Variants in TRMT11 observed in about 807,000 individuals in gnomAD.
The protein encoded by TRMT11 is tRNA (guanine(10)-N(2))-methyltransferase TRMT11.
A neutral mutation model predicts 62.8 loss-of-function variants in TRMT11; 53 were observed. The ratio of observed to expected loss-of-function variants is 0.84; its 90% CI spans 0.68 to 1.06. The LOEUF (loss-of-function observed/expected upper bound fraction) is 1.06. Ranked by LOEUF, TRMT11 falls within the 50% of genes least tolerant of loss-of-function variation. The probability of loss-of-function intolerance (pLI) is 0.00; values close to 1 mark genes in which losing one functional copy is unlikely to be tolerated. For missense variants in TRMT11, 556 were observed against 553.4 expected (o/e 1.00, Z -0.05); for synonymous variants, 188 against 190.3 (o/e 0.99, Z 0.10).
chr6:126,004,717 T>G (rs185487301), intron 7 of TRMT11, among the ~76,000 whole-genome samples: 1 of 152,210 alleles, frequency 6.6e-6, no homozygotes, highest in Admixed American at 6.6e-5. Context: ...CTTTTTATTT[T>G]AAAGGTACAA....
At chr6:126,230,628 A>C in the TRMT11 span, among the ~76,000 whole-genome samples, 1 of 152,184 alleles carries the variant, frequency 6.6e-6, no homozygotes, top group African/African-American at 2.4e-5. Flanking sequence ...AATGTTTTGC[A>C]GTTTGTCAGT....
At chr6:126,031,232 A>C (rs922253947) in intron 12 of TRMT11, among the ~76,000 whole-genome samples, 6 of 152,212 alleles carry the variant, frequency 3.9e-5, no homozygotes, top group Non-Finnish European at 5.9e-5. Flanking sequence ...ATAGGAAAAA[A>C]AGCCATTTGC....
chr6:126,002,358 C>T (rs1423249949), intron 7 of TRMT11, among the ~76,000 whole-genome samples: 2 of 152,162 alleles, frequency 1.3e-5, no homozygotes. Flanking sequence ...CTACCCTATT[C>T]TATGTTTATG....
chr6:125,994,626 T>G (rs191111396), intron 2 of TRMT11, among the ~76,000 whole-genome samples: 14 of 152,338 alleles, frequency 9.2e-5, no homozygotes, highest in African/African-American at 3.1e-4. Context: ...CAAAGTAATA[T>G]AAGTCATTCT....
intron 17 of TRMT11, among the ~76,000 whole-genome samples, chr6:126,088,635 T>A (rs920398493): frequency 6.6e-6 from 1 of 152,204 alleles, no homozygotes; most frequent in South Asian, 2.1e-4. Context: ...CAAAGCTATA[T>A]ATGAACTTTT....
chr6:125,998,650 C>T lies in TRMT11; in HGVS notation c.488C>T (p.Pro163Leu), dbSNP rs571690618. 1 of 1,613,188 alleles carries T rather than the reference C, an allele frequency of 6.2e-7. No homozygotes were observed. Among genetic ancestry groups the T allele is most frequent in the Non-Finnish European group, 8.5e-7 (1 of 1,179,574 alleles). Residue 163 changes from proline (P) to leucine (L), a missense_variant, in exon 6 of 13, where the codon CCT becomes CTT. By Grantham distance (98) the Pro-to-Leu change is moderately conservative. Coordinates refer to ENST00000334379, the MANE Select transcript of TRMT11 (RefSeq NM_001031712.3). Reference protein sequence around the residue: ...EDYGLDPNCIPENPHNIYFGR... With the variant: ...EDYGLDPNCILENPHNIYFGR... Reference sequence around the variant, plus strand: ...TATGGTTTAGACCCAAACTGCATCCCTGAGAATCCACATAATATTTATTTT... The same window carrying T: ...TATGGTTTAGACCCAAACTGCATCCTTGAGAATCCACATAATATTTATTTT...
intron 6 of TRMT11, 87 bp from the exon 7 acceptor site, chr6:125,999,370 C>T (rs1016867872): frequency 3.8e-6 from 4 of 1,042,332 alleles, no homozygotes; most frequent in Non-Finnish European, 5.3e-6. Context: ...AAGTTCTTAT[C>T]AGCAAAATAC....
At chr6:126,159,140 A>G (rs1024117891) in intron 21 of TRMT11, among the ~76,000 whole-genome samples, 2 of 151,958 alleles carry the variant, frequency 1.3e-5, no homozygotes, top group African/African-American at 4.8e-5. Context: ...CTCTCTTGCA[A>G]TGTGATGTGA....
At chr6:125,999,314 T>G in intron 6 of TRMT11, 143 bp from the exon 7 acceptor site, 1 of 522,018 alleles carries the variant, frequency 1.9e-6, no homozygotes, top group Non-Finnish European at 3.2e-6. Flanking sequence ...CTACCTCAAT[T>G]ACATTATTTT....
At chr6:126,104,386 C>T (rs183784289) in intron 17 of TRMT11, among the ~76,000 whole-genome samples, 56 of 152,260 alleles carry the variant, frequency 3.7e-4, no homozygotes, top group Admixed American at 3.0e-3. Flanking sequence ...GGTAGTTGGT[C>T]AAGAACCCAA....
chr6:126,269,100 A>G, the TRMT11 span, among the ~76,000 whole-genome samples: 1 of 150,834 alleles, frequency 6.6e-6, no homozygotes, highest in Non-Finnish European at 1.5e-5. Flanking sequence ...CGTCTCTACT[A>G]AAAATACAAA....
At chr6:126,244,695 A>C in the TRMT11 span, among the ~76,000 whole-genome samples, 40 of 152,208 alleles carry the variant, frequency 2.6e-4, no homozygotes, top group African/African-American at 9.4e-4. Context: ...CAGTTTCGAC[A>C]CTCTGTCTGA....
Position 126,037,641 on chromosome 6 carries a change from T to C in TRMT11, c.1261-1064T>C, listed in dbSNP as rs1362877965. Among the ~76,000 whole-genome samples the C allele has an allele frequency of 3.9e-5, 6 of 152,176 alleles. No individual in the cohort carries two copies. The East Asian group carries it at 7.7e-4, about 20-fold the overall frequency. On this transcript the variant is annotated intron_variant, in intron 12 of 12. Transcript: ENST00000334379. ...GGTTTTTGGTGTGATTTTAAAAATATATGTGGCAAAAACAGTTTCTGAATA... is the reference window on the plus strand; with the variant it reads ...GGTTTTTGGTGTGATTTTAAAAATACATGTGGCAAAAACAGTTTCTGAATA...
intron 1 of TRMT11, among the ~76,000 whole-genome samples, chr6:126,198,074 T>G (rs1470954357): frequency 1.3e-5 from 2 of 152,180 alleles, no homozygotes; most frequent in Non-Finnish European, 2.9e-5. Context: ...ATGGACTCGG[T>G]GGGAACATTT....
At chr6:126,133,435 C>T (rs1187006227) in intron 21 of TRMT11, among the ~76,000 whole-genome samples, 1 of 151,936 alleles carries the variant, frequency 6.6e-6, no homozygotes, top group Non-Finnish European at 1.5e-5. Context: ...TTCATTGTGC[C>T]TTTTCTCTCC....
intron 1 of TRMT11, among the ~76,000 whole-genome samples, chr6:126,189,341 C>G (rs184799314): frequency 6.6e-6 from 1 of 152,078 alleles, no homozygotes; most frequent in Non-Finnish European, 1.5e-5. Context: ...TAAATTGCAG[C>G]TCATATTATT....
chr6:126,256,583 T>C, the TRMT11 span, among the ~76,000 whole-genome samples: 1 of 152,102 alleles, frequency 6.6e-6, no homozygotes, highest in African/African-American at 2.4e-5. Context: ...TATTTGCATC[T>C]CAAATCCACT....
intron 17 of TRMT11, among the ~76,000 whole-genome samples, chr6:126,094,981 C>T (rs1470075009): frequency 6.6e-6 from 1 of 152,188 alleles, no homozygotes; most frequent in Non-Finnish European, 1.5e-5. Flanking sequence ...CTTATAGCCT[C>T]ACTTTCAACT....
At chr6:126,256,719 C>T in the TRMT11 span, among the ~76,000 whole-genome samples, 2 of 152,148 alleles carry the variant, frequency 1.3e-5, no homozygotes, top group African/African-American at 4.8e-5. Flanking sequence ...AGGATATATG[C>T]TAGCACTTCC....
Sources: allele counts gnomAD v4.1 joint callset (sites outside exome capture counted in the v4.1 genomes callset), GRCh38; gene constraint gnomAD v4.1.1; transcripts MANE v1.5; gene names NCBI Gene and HGNC (gene_info 2026-07-23, HGNC 2026-07-21).